The following ASCC3 variants were observed in gnomAD, a reference collection of about 807,000 sequenced individuals.
ASCC3 encodes the protein ASC-1 complex subunit P200.
ASCC3 carries 158 observed loss-of-function variants against 256.3 expected under a neutral mutation model. The ratio of observed to expected loss-of-function variants is 0.62; its 90% CI spans 0.54 to 0.70. The LOEUF is 0.70. Ranked by LOEUF, ASCC3 falls within the 30% of genes least tolerant of loss-of-function variation. The pLI, the probability that ASCC3 is intolerant of heterozygous loss-of-function variation, is 0.00. For synonymous variants in ASCC3, 948 were observed against 883.4 expected (o/e 1.07, Z -1.30); for missense variants, 2,259 against 2,626.0 (o/e 0.86, Z 3.05).
chr6:100,575,213 T>A (rs187593568), intron 36 of ASCC3, among the ~76,000 whole-genome samples: 1 of 151,670 alleles, frequency 6.6e-6, no homozygotes, highest in East Asian at 1.9e-4. Flanking sequence ...AACTCTTTAA[T>A]TTTTTTTTAC....
chr6:100,676,719 C>T (rs1053464243), intron 14 of ASCC3, among the ~76,000 whole-genome samples: 2 of 151,624 alleles, frequency 1.3e-5, no homozygotes, highest in African/African-American at 4.9e-5. Flanking sequence ...AGCCTTATTA[C>T]AAGCAAATGT....
In ASCC3 at chr6:100,697,384, T is replaced by C. The variant is rs182910857; in HGVS notation, c.2152-17632A>G. On this transcript the variant is annotated intron_variant, in intron 13 of 41. Transcript: ENST00000369162. ...ATGAAGAAATGGATGGAAAAGTTGG[T>C]AACTTCTATAAGCAATTTATACTGA... is the stretch of plus-strand genomic sequence containing the variant. Among the ~76,000 whole-genome samples the C allele has an allele frequency of 2.7e-4, 41 of 149,742 alleles. 1 individual carries two copies. Among genetic ancestry groups the C allele is most frequent in the African/African-American group, 9.9e-4 (40 of 40,544 alleles).
intron 36 of ASCC3, among the ~76,000 whole-genome samples, chr6:100,577,962 G>A (rs1770964201): frequency 6.6e-6 from 1 of 151,998 alleles, no homozygotes; most frequent in South Asian, 2.1e-4. Context: ...ATCCAAGACA[G>A]GCACACTGCA....
At position 100,811,136 on chromosome 6, in the gene ASCC3, A is replaced by G. The variant is rs1770448196; in HGVS notation, c.802-5256T>C. 2.6e-5 allele frequency among the ~76,000 whole-genome samples: 4 copies of G among 152,282 alleles called. No individual in the cohort carries two copies. In the Middle Eastern group the frequency reaches 0.014, roughly 518 times the overall value. ...GAATCAAAAAATCACATAAGTGATG[A>G]CCACAATGGAAATGAATGATAGGCC... On this transcript the variant is annotated intron_variant, in intron 4 of 41. Coordinates refer to ENST00000369162, the MANE Select transcript of ASCC3 (RefSeq NM_006828.4).
intron 13 of ASCC3, among the ~76,000 whole-genome samples, chr6:100,703,437 A>G (rs1778434356): frequency 6.6e-6 from 1 of 152,040 alleles, no homozygotes; most frequent in Non-Finnish European, 1.5e-5. Context: ...TGACAGTAAA[A>G]TAAGTCTTGC....
chr6:100,733,853 C>A (rs1026333742), intron 10 of ASCC3, among the ~76,000 whole-genome samples: 3 of 152,136 alleles, frequency 2.0e-5, no homozygotes, highest in Admixed American at 6.5e-5. Flanking sequence ...CATCTCCTCT[C>A]CACTAGCTTG....
chr6:100,860,450 T>A (rs1773167217), intron 3 of ASCC3, among the ~76,000 whole-genome samples: 1 of 151,880 alleles, frequency 6.6e-6, no homozygotes, highest in Admixed American at 6.6e-5. Context: ...AGAGGAGGAA[T>A]ACTTAAAAAT....
chr6:100,735,877 T>C (rs1780130962), intron 10 of ASCC3, among the ~76,000 whole-genome samples: 1 of 152,208 alleles, frequency 6.6e-6, no homozygotes, highest in South Asian at 2.1e-4. Flanking sequence ...CTTACATATT[T>C]AGGTGGCTTT....
At chr6:100,792,291 G>A (rs1769386118) in intron 8 of ASCC3, among the ~76,000 whole-genome samples, 1 of 151,802 alleles carries the variant, frequency 6.6e-6, no homozygotes, top group Non-Finnish European at 1.5e-5. Context: ...CAAATATTTT[G>A]CTATACAATA....
At chr6:100,580,732 C>T (rs1056071346) in intron 36 of ASCC3, among the ~76,000 whole-genome samples, 1 of 117,910 alleles carries the variant, frequency 8.5e-6, no homozygotes, top group African/African-American at 3.2e-5. Context: ...TCCTTCTCCC[C>T]TCCCCCCACC....
intron 29 of ASCC3, among the ~76,000 whole-genome samples, chr6:100,626,595 T>A (rs996160080): frequency 3.9e-5 from 6 of 152,096 alleles, no homozygotes; most frequent in African/African-American, 1.4e-4. Context: ...ATGCAGTCAT[T>A]CCATATAGAT....
intron 39 of ASCC3, among the ~76,000 whole-genome samples, chr6:100,514,624 A>T (rs1343409180): frequency 6.6e-6 from 1 of 151,540 alleles, no homozygotes; most frequent in African/African-American, 2.4e-5. Context: ...ATATATATAT[A>T]TTTATGTATA....
intron 13 of ASCC3, among the ~76,000 whole-genome samples, chr6:100,690,614 C>T (rs1777798123): frequency 6.6e-6 from 1 of 152,094 alleles, no homozygotes; most frequent in Admixed American, 6.6e-5. Context: ...CACAAGAAGA[C>T]ATAGGTAAAC....
intron 22 of ASCC3, among the ~76,000 whole-genome samples, chr6:100,645,703 G>C (rs1413964448): frequency 6.6e-6 from 1 of 152,016 alleles, no homozygotes; most frequent in African/African-American, 2.4e-5. Context: ...AAAAAATGTT[G>C]ATTGAATAAA....
intron 13 of ASCC3, among the ~76,000 whole-genome samples, chr6:100,680,162 T>C (rs1179160890): frequency 6.6e-6 from 1 of 152,214 alleles, no homozygotes. Flanking sequence ...AACTCTTCCT[T>C]GGACAAAATC....
At chr6:100,804,986 G>A (rs551484092) in intron 5 of ASCC3, among the ~76,000 whole-genome samples, 27 of 152,168 alleles carry the variant, frequency 1.8e-4, no homozygotes, top group African/African-American at 5.8e-4. Context: ...CAACAGGAAA[G>A]ACACAGAATC....
intron 8 of ASCC3, among the ~76,000 whole-genome samples, chr6:100,795,019 T>G (rs1361944602): frequency 6.6e-6 from 1 of 152,102 alleles, no homozygotes; most frequent in Non-Finnish European, 1.5e-5. Flanking sequence ...TGACTCCTGG[T>G]GGCTCATGGG....
At position 100,590,906 on chromosome 6, in the gene ASCC3, A is replaced by ACATAT. The variant is rs1252772162; in HGVS notation, c.5304-852_5304-848dup. Among the ~76,000 whole-genome samples the ACATAT allele has an allele frequency of 3.3e-5, 5 of 152,298 alleles. No individual in the cohort carries two copies. The East Asian group carries it at 9.6e-4, about 29-fold the overall frequency. ...ACAAAGCAGGACTAATAATGTCAGG[A>ACATAT]CATATTTTCATTAGAAAGAAAAGTT... On this transcript the variant is annotated intron_variant, in intron 34 of 41. Transcript: ENST00000369162.
intron 4 of ASCC3, among the ~76,000 whole-genome samples, chr6:100,813,972 C>T (rs1029375280): frequency 6.6e-6 from 1 of 151,994 alleles, no homozygotes; most frequent in African/African-American, 2.4e-5. Flanking sequence ...GTAGGATGTC[C>T]AATACTAAGT....
Sources: gnomAD v4.1 joint callset for allele counts (sites outside exome capture counted in the v4.1 genomes callset) on GRCh38, gnomAD v4.1.1 for gene constraint, MANE v1.5 for transcripts, NCBI Gene and HGNC (gene_info 2026-07-23, HGNC 2026-07-21) for gene names.